CDK19: variants seen among roughly 807,000 people sequenced by gnomAD.
CDK19 encodes cyclin dependent kinase 19.
Under a neutral mutation model 68.3 loss-of-function variants are expected in CDK19, and 20 were observed. That is an observed-to-expected ratio of 0.29 (90% CI 0.21 to 0.43). CDK19 has a LOEUF of 0.43. CDK19 is among the 20% of genes least tolerant of loss of function. The pLI, the probability that CDK19 is intolerant of heterozygous loss-of-function variation, is 1.00. For synonymous variants in CDK19, 221 were observed against 222.8 expected, an observed-to-expected ratio of 0.99 and a Z score of 0.07; for missense variants, 339 against 623.5, an observed-to-expected ratio of 0.54 and a Z score of 4.86.
chr6:110,701,942 A>C (rs1159746462), intron 2 of CDK19, among the ~76,000 whole-genome samples: 2 of 152,086 alleles, frequency 1.3e-5, no homozygotes, highest in Non-Finnish European at 2.9e-5. Context: ...GGAGTTCGAG[A>C]CCAGCTTGGC....
At chr6:110,792,162 G>T (rs186026244) in intron 1 of CDK19, among the ~76,000 whole-genome samples, 2 of 151,054 alleles carry the variant, frequency 1.3e-5, no homozygotes, top group African/African-American at 4.9e-5. Flanking sequence ...GTAGAGACAG[G>T]GTTTCACCAT....
intron 1 of CDK19, among the ~76,000 whole-genome samples, chr6:110,768,708 AG>A (rs1447252346): frequency 6.6e-6 from 1 of 152,210 alleles, no homozygotes; most frequent in Non-Finnish European, 1.5e-5. Flanking sequence ...AGTGGTTGTC[AG>A]GGGCTTGCAG....
intron 10 of CDK19, 69 bp from the exon 11 acceptor site, chr6:110,622,235 A>C: frequency 9.1e-7 from 1 of 1,093,894 alleles, no homozygotes; most frequent in Non-Finnish European, 1.4e-6. Flanking sequence ...TTGTTAATTT[A>C]AAATTCCAAT....
At chr6:110,639,443 T>C (rs1779986074) in intron 4 of CDK19, among the ~76,000 whole-genome samples, 1 of 152,204 alleles carries the variant, frequency 6.6e-6, no homozygotes, top group African/African-American at 2.4e-5. Context: ...ATTTATTCAA[T>C]CAACGAATGC....
chr6:110,647,690 T>G (rs1780698280), intron 4 of CDK19, among the ~76,000 whole-genome samples: 1 of 152,180 alleles, frequency 6.6e-6, no homozygotes, highest in African/African-American at 2.4e-5. Flanking sequence ...CCACAGATGA[T>G]CTTAGAGGGG....
chr6:110,616,207 C>T (rs562212589), intron 12 of CDK19, among the ~76,000 whole-genome samples: 3 of 152,236 alleles, frequency 2.0e-5, no homozygotes, highest in South Asian at 2.1e-4. Flanking sequence ...AAGAACCTGT[C>T]GGGCGGTTAC....
intron 2 of CDK19, among the ~76,000 whole-genome samples, chr6:110,680,166 T>C (rs1024856377): frequency 4.6e-5 from 7 of 152,194 alleles, no homozygotes; most frequent in Non-Finnish European, 1.0e-4. Context: ...AAGGAAGACT[T>C]CTTTAAATTA....
At chr6:110,673,469 G>A (rs1478628988) in intron 2 of CDK19, among the ~76,000 whole-genome samples, 1 of 151,808 alleles carries the variant, frequency 6.6e-6, no homozygotes, top group Admixed American at 6.6e-5. Context: ...ACCCAGAAGT[G>A]AAATTGCTAG....
chr6:110,793,875 G>T (rs1258618252), intron 1 of CDK19, among the ~76,000 whole-genome samples: 1 of 152,168 alleles, frequency 6.6e-6, no homozygotes, highest in Non-Finnish European at 1.5e-5. Context: ...GTGAATACTT[G>T]TTAATATCCT....
intron 4 of CDK19, chr6:110,646,077 CT>C: frequency 1.2e-6 from 1 of 863,698 alleles, no homozygotes; most frequent in Non-Finnish European, 1.9e-6. Context: ...GGGCGACCTG[CT>C]GCAGTTTGTG....
At chr6:110,812,787 C>G (rs1321219016) in intron 1 of CDK19, among the ~76,000 whole-genome samples, 1 of 139,246 alleles carries the variant, frequency 7.2e-6, no homozygotes, top group Admixed American at 7.4e-5. Context: ...CTTTACTATG[C>G]AAATCTGCCC....
intron 2 of CDK19, among the ~76,000 whole-genome samples, chr6:110,691,785 T>C (rs1424126039): frequency 6.6e-6 from 1 of 150,948 alleles, no homozygotes; most frequent in Non-Finnish European, 1.5e-5. Flanking sequence ...GTAGCTGGGA[T>C]TACAGGCACA....
At chr6:110,678,468 A>C (rs1242765346) in intron 2 of CDK19, among the ~76,000 whole-genome samples, 3 of 152,014 alleles carry the variant, frequency 2.0e-5, no homozygotes, top group Admixed American at 6.6e-5. Context: ...TAGCAACTCC[A>C]TCATTGCAGT....
At chr6:110,623,618 A>G (rs891977059) in intron 8 of CDK19, 1 of 165,038 alleles carries the variant, frequency 6.1e-6, no homozygotes, top group Admixed American at 6.6e-5. Flanking sequence ...GAAAATGTGT[A>G]TAGCTTATGA....
At chr6:110,724,366 A>T (rs997030787) in intron 2 of CDK19, among the ~76,000 whole-genome samples, 6 of 152,116 alleles carry the variant, frequency 3.9e-5, no homozygotes, top group South Asian at 2.1e-4. Flanking sequence ...AAAAAAAAAA[A>T]TACCAACAAA....
chr6:110,760,212 A>G (rs1779136367), intron 1 of CDK19, among the ~76,000 whole-genome samples: 1 of 151,960 alleles, frequency 6.6e-6, no homozygotes, highest in Non-Finnish European at 1.5e-5. Context: ...CCTGGCCAAC[A>G]TAGTGAAACT....
intron 2 of CDK19, among the ~76,000 whole-genome samples, chr6:110,737,854 T>A (rs1777357618): frequency 6.6e-6 from 1 of 152,218 alleles, no homozygotes; most frequent in Non-Finnish European, 1.5e-5. Flanking sequence ...TAAGGAAATA[T>A]CCATGCTGAG....
At chr6:110,663,040 C>G (rs1017352666) in intron 4 of CDK19, among the ~76,000 whole-genome samples, 8 of 152,100 alleles carry the variant, frequency 5.3e-5, no homozygotes, top group African/African-American at 1.7e-4. Flanking sequence ...TGTAATGCCT[C>G]TGTGTGTGAT....
chr6:110,804,748 G>C (rs936561292), intron 1 of CDK19, among the ~76,000 whole-genome samples: 1 of 150,544 alleles, frequency 6.6e-6, no homozygotes, highest in East Asian at 2.0e-4. Flanking sequence ...GAGGTCAGGA[G>C]AACGAGACCA....
Sources: allele counts gnomAD v4.1 joint callset (sites outside exome capture counted in the v4.1 genomes callset), GRCh38; gene constraint gnomAD v4.1.1; transcripts MANE v1.5; gene names NCBI Gene and HGNC (gene_info 2026-07-23, HGNC 2026-07-21).